FOXN3: variants seen among roughly 807,000 people sequenced by gnomAD.
FOXN3 encodes forkhead box protein N3.
A neutral mutation model predicts 38.4 loss-of-function variants in FOXN3; 7 were observed. That is an observed-to-expected ratio of 0.18 (90% CI 0.10 to 0.34). The LOEUF is 0.34. FOXN3 is among the 10% of genes least tolerant of loss of function. The pLI is 1.00. For missense variants in FOXN3, 456 were observed against 613.4 expected (o/e 0.74, Z 2.71); for synonymous variants, 230 against 242.2 (o/e 0.95, Z 0.47).
intron 4 of FOXN3, among the ~76,000 whole-genome samples, chr14:89,200,791 C>T (rs1888217866): frequency 6.6e-6 from 1 of 152,184 alleles, no homozygotes; most frequent in African/African-American, 2.4e-5. Context: ...TCCCAGACAC[C>T]TCTTTTATCT....
chr14:89,494,616 G>A (rs571678594), intron 1 of FOXN3, among the ~76,000 whole-genome samples: 1 of 152,212 alleles, frequency 6.6e-6, no homozygotes, highest in Non-Finnish European at 1.5e-5. Context: ...AATGGCACCA[G>A]AAGAAAGATG....
In FOXN3 at chr14:89,163,210, G is replaced by C. The variant is rs1332609658; in HGVS notation, c.852-241C>G. On this transcript the variant is annotated intron_variant, in intron 5 of 5. Coordinates refer to ENST00000557258, the MANE Select transcript of FOXN3 (RefSeq NM_005197.4). The surrounding 1 kb of genome is among the most constrained non-coding windows in gnomAD (Gnocchi z 4.3). ...ATGGCAGTTTCACTCCATTTGTGTGGCTGAGACGTCAAAACAACAATCTTC... is the reference window on the plus strand; with the variant it reads ...ATGGCAGTTTCACTCCATTTGTGTGCCTGAGACGTCAAAACAACAATCTTC... 6.6e-6 allele frequency among the ~76,000 whole-genome samples: 1 copy of C among 152,170 alleles called. No individual in the cohort carries two copies. The highest frequency in any genetic ancestry group is 1.5e-5 in the Non-Finnish European group (1 of 68,036).
intron 1 of FOXN3, among the ~76,000 whole-genome samples, chr14:89,523,705 G>A (rs1284364430): frequency 2.6e-5 from 4 of 152,074 alleles, no homozygotes; most frequent in Non-Finnish European, 5.9e-5. Context: ...CAGACATAGA[G>A]GAAATTTAAA....
chr14:89,261,576 C>T (rs1247123297), intron 4 of FOXN3, among the ~76,000 whole-genome samples: 2 of 151,832 alleles, frequency 1.3e-5, no homozygotes, highest in African/African-American at 4.8e-5. Flanking sequence ...GGTGGATTGC[C>T]TGAAGTCAGG....
intron 3 of FOXN3, among the ~76,000 whole-genome samples, chr14:89,305,492 C>A (rs925919839): frequency 6.6e-6 from 1 of 152,190 alleles, no homozygotes; most frequent in Non-Finnish European, 1.5e-5. Context: ...GAATTTATCA[C>A]GTAAGTTATA....
At chr14:89,303,496 T>TAAA (rs35251843) in intron 3 of FOXN3, among the ~76,000 whole-genome samples, 8 of 114,916 alleles carry the variant, frequency 7.0e-5, no homozygotes, top group East Asian at 2.6e-4. Flanking sequence ...AAACATCTGC[T>TAAA]AAAAAAAAAA....
intron 2 of FOXN3, among the ~76,000 whole-genome samples, chr14:89,370,291 T>G (rs1477229725): frequency 6.6e-6 from 1 of 152,206 alleles, no homozygotes; most frequent in Non-Finnish European, 1.5e-5. Context: ...AAGCCATTTA[T>G]AGCTACAAAA....
chr14:89,399,298 C>T (rs981079629), intron 2 of FOXN3, among the ~76,000 whole-genome samples: 6 of 152,138 alleles, frequency 3.9e-5, no homozygotes, highest in African/African-American at 1.4e-4. Context: ...CAGGGCAAGC[C>T]AACAGTGTGA....
chr14:89,210,834 C>T (rs1884067647), intron 4 of FOXN3, among the ~76,000 whole-genome samples: 1 of 152,202 alleles, frequency 6.6e-6, no homozygotes, highest in Non-Finnish European at 1.5e-5. Flanking sequence ...ACTCCATCGA[C>T]AGGGTAAAAT....
At chr14:89,286,117 C>G (rs1489779002) in intron 3 of FOXN3, among the ~76,000 whole-genome samples, 1 of 148,358 alleles carries the variant, frequency 6.7e-6, no homozygotes, top group Admixed American at 6.7e-5. Context: ...GTGATCTGCC[C>G]ACTTCAACAT....
At chr14:89,188,303 T>C (rs1019473362) in intron 4 of FOXN3, among the ~76,000 whole-genome samples, 1 of 152,154 alleles carries the variant, frequency 6.6e-6, no homozygotes, top group African/African-American at 2.4e-5. Flanking sequence ...TGAAAACAAC[T>C]CACTTGTCAA....
At position 89,161,271 on chromosome 14, in the gene FOXN3, G is replaced by A. The variant is rs1429951803; in HGVS notation, c.*1143C>T. On this transcript the variant is annotated 3_prime_UTR_variant, in exon 6 of 6. Transcript: ENST00000557258. ...AATTGCAAACTCCATTTTGAGGGCAGTATAGGAGTTATTTTATTTTTTGCC... is the reference window on the plus strand; with the variant it reads ...AATTGCAAACTCCATTTTGAGGGCAATATAGGAGTTATTTTATTTTTTGCC... The A allele has an allele frequency of 1.3e-5, 2 of 151,606 alleles. No individual in the cohort carries two copies. Among genetic ancestry groups the A allele is most frequent in the Non-Finnish European group, 2.9e-5 (2 of 67,906 alleles). 9.4% of individuals were successfully genotyped at this position (151,606 alleles called of 1,614,324 possible). A position where few individuals can be genotyped will look rare whatever the true frequency, so the allele number is the denominator to read the frequency against.
intron 1 of FOXN3, among the ~76,000 whole-genome samples, chr14:89,552,730 G>A (rs1596315332): frequency 6.6e-6 from 1 of 152,208 alleles, no homozygotes; most frequent in African/African-American, 2.4e-5. Context: ...GTGGTGGCAT[G>A]TGCCTGTAAT....
At chr14:89,404,406 A>C (rs1054237549) in intron 2 of FOXN3, among the ~76,000 whole-genome samples, 1 of 146,986 alleles carries the variant, frequency 6.8e-6, no homozygotes, top group Non-Finnish European at 1.5e-5. Flanking sequence ...CAGGAGGATG[A>C]GGCAGGAGAA....
At chr14:89,212,697 A>T (rs1159054363) in intron 4 of FOXN3, among the ~76,000 whole-genome samples, 1 of 152,078 alleles carries the variant, frequency 6.6e-6, no homozygotes, top group Non-Finnish European at 1.5e-5. Flanking sequence ...GTAAATACTT[A>T]ATTCTTTGTA....
At chr14:89,249,707 A>T (rs1482673822) in intron 4 of FOXN3, among the ~76,000 whole-genome samples, 1 of 152,198 alleles carries the variant, frequency 6.6e-6, no homozygotes. Context: ...CACAAATCCA[A>T]CGATGGGACA....
chr14:89,613,137 A>C (rs1233972610), intron 1 of FOXN3, among the ~76,000 whole-genome samples: 4 of 143,304 alleles, frequency 2.8e-5, no homozygotes, highest in Non-Finnish European at 6.2e-5. Context: ...AAAAAAAAAA[A>C]AAAACTCTTA....
At chr14:89,204,838 GCATCCATC>G (rs951591142) in intron 4 of FOXN3, among the ~76,000 whole-genome samples, 3 of 150,488 alleles carry the variant, frequency 2.0e-5, no homozygotes, top group Non-Finnish European at 4.4e-5. Context: ...ATGCATTCAT[GCATCCATC>G]CATCCATCCA....
intron 3 of FOXN3, among the ~76,000 whole-genome samples, chr14:89,332,490 C>T (rs1361752237): frequency 1.3e-5 from 2 of 152,166 alleles, no homozygotes; most frequent in Non-Finnish European, 2.9e-5. Flanking sequence ...ATGCTTCACT[C>T]CTTGTCCCTT....
Sources: allele counts gnomAD v4.1 joint callset (sites outside exome capture counted in the v4.1 genomes callset), GRCh38; gene constraint gnomAD v4.1.1; non-coding constraint Gnocchi (gnomAD v3.1); transcripts MANE v1.5; gene names NCBI Gene and HGNC (gene_info 2026-07-23, HGNC 2026-07-21).